Variants in ZNF30 observed in about 807,000 individuals in gnomAD.
ZNF30 encodes the protein zinc finger protein 30.
In ZNF30, 15 loss-of-function variants were observed where a neutral mutation model predicts 13.2. The observed-to-expected ratio is 1.13, with a 90% CI of 0.76 to 1.75. The LOEUF is 1.75. ZNF30 is among the 40% of genes most tolerant of loss of function. The pLI is 0.00. For missense variants in ZNF30, 726 were observed against 757.0 expected (o/e 0.96, Z 0.48); for synonymous variants, 223 against 256.6 (o/e 0.87, Z 1.25).
intron 4 of ZNF30, chr19:34,942,455 GAAAAGAAA>G (rs1372860667): frequency 1.2e-5 from 4 of 339,930 alleles, no homozygotes; most frequent in Non-Finnish European, 1.5e-5. Flanking sequence ...AAAAAAAAAA[GAAAAGAAA>G]AAAAGAAAAA....
At chr19:34,928,252 T>TATATATAGATAGATAG (rs1325117057) in intron 1 of ZNF30, among the ~76,000 whole-genome samples, 2 of 56,556 alleles carry the variant, frequency 3.5e-5, no homozygotes, top group Non-Finnish European at 6.0e-5. Flanking sequence ...TATATATATA[T>TATATATAGATAGATAG]ATAGATAGAT....
intron 4 of ZNF30, among the ~76,000 whole-genome samples, chr19:34,939,661 C>T (rs567065398): frequency 1.3e-5 from 2 of 152,178 alleles, no homozygotes; most frequent in Non-Finnish European, 2.9e-5. Context: ...TGTGTCCAGA[C>T]TTTTTTCAAG....
At chr19:34,935,700 GTTTT>G (rs142285130) in intron 4 of ZNF30, among the ~76,000 whole-genome samples, 25,674 of 83,842 alleles carry the variant, frequency 0.31, 3,022 homozygotes, top group Middle Eastern at 0.35. Flanking sequence ...GTTGTCTATA[GTTTT>G]TTTTTTTTTT....
intron 1 of ZNF30, among the ~76,000 whole-genome samples, chr19:34,928,219 AAAT>A (rs1312573612): frequency 4.8e-5 from 3 of 62,920 alleles, no homozygotes; most frequent in African/African-American, 3.1e-4. Flanking sequence ...AAAAAAAAAA[AAAT>A]ATATATATAT....
At chr19:34,928,766 C>G (rs1277140217) in intron 1 of ZNF30, among the ~76,000 whole-genome samples, 1 of 151,950 alleles carries the variant, frequency 6.6e-6, no homozygotes, top group East Asian at 1.9e-4. Context: ...GAGCCAAGAT[C>G]ACACCACTGC....
Position 34,943,872 on chromosome 19 carries a change from C to T in ZNF30, c.906C>T (p.Pro302=), listed in dbSNP as rs778512863. Residue 302 remains proline (P), a synonymous_variant, in exon 5 of 5, where the codon CCC becomes CCT. Transcript: ENST00000601142. ...GGAAGGCCTTTAGCACTAGCTCACC[C>T]CTTGCTAAGCATCAGAGAATTCATA... is the stretch of plus-strand genomic sequence containing the variant. ...ECGKAFSTSS[P]LAKHQRIHTG... The T allele has an allele frequency of 7.4e-6, 12 of 1,613,902 alleles. No homozygotes were observed. In the South Asian group the frequency reaches 1.2e-4, roughly 16 times the overall value.
chr19:34,942,660 C>T, intron 4 of ZNF30: 1 of 1,288,388 alleles, frequency 7.8e-7, no homozygotes, highest in South Asian at 1.2e-5. Context: ...GCCACCTGCA[C>T]ATGGAACCAA....
Position 34,943,643 on chromosome 19 carries a change from A to ATGTATTCTTATG in ZNF30, c.678_679insGTATTCTTATGT (p.His226_Thr227insValPheLeuCys). 6.2e-7 allele frequency: 1 copy of ATGTATTCTTATG among 1,613,790 alleles called. No individual in the cohort carries two copies. The highest frequency in any genetic ancestry group is 8.5e-7 in the Non-Finnish European group (1 of 1,179,798). ...CAACTTACAGTACATAAGAGTATTC[A>ATGTATTCTTATG]TACTGGGAAGAAACCATATGAGTGC... On this transcript the variant is annotated inframe_insertion, in exon 5 of 5. Coordinates refer to ENST00000601142, the MANE Select transcript of ZNF30 (RefSeq NM_194325.3).
At chr19:34,924,954 CCTAA>C (rs888486188), upstream of ZNF30, among the ~76,000 whole-genome samples, 5 of 152,176 alleles carry the variant, frequency 3.3e-5, no homozygotes, top group Non-Finnish European at 7.3e-5. Context: ...TAGGGAAAAT[CCTAA>C]CTATTGACAG....
upstream of ZNF30, among the ~76,000 whole-genome samples, chr19:34,925,374 G>C (rs751572164): frequency 3.9e-5 from 6 of 152,208 alleles, no homozygotes; most frequent in Non-Finnish European, 8.8e-5. Flanking sequence ...TCAACAGTTG[G>C]GGGAGCCAGA....
chr19:34,927,747 C>T lies in ZNF30; in HGVS notation c.-65+531C>T, dbSNP rs144885690. Among the ~76,000 whole-genome samples, 300 of 152,302 alleles carry T rather than the reference C, an allele frequency of 2.0e-3. 2 individuals are homozygous for T. Among genetic ancestry groups the T allele is most frequent in the African/African-American group, 6.9e-3 (286 of 41,552 alleles). On this transcript the variant is annotated intron_variant, in intron 1 of 4. Coordinates refer to ENST00000601142, the MANE Select transcript of ZNF30 (RefSeq NM_194325.3). ...TCTTCAATTTTGCATTATCCCACAG[C>T]AGTAGCTCTCTCTCTCTAGCTGCTA...
chr19:34,927,133 C>A lies in ZNF30; in HGVS notation c.-148C>A. 1 of 395,728 alleles carries A rather than the reference C, an allele frequency of 2.5e-6. No homozygotes were observed. The allele number at this position is 395,728 out of a possible 1,614,324, so 24.5% of individuals were successfully genotyped here. On this transcript the variant is annotated 5_prime_UTR_variant, in exon 1 of 5. Coordinates refer to ENST00000601142, the MANE Select transcript of ZNF30 (RefSeq NM_194325.3). Reference sequence around the variant, plus strand: ...AGCTCCGAGGTTGGAGCAGCCCCGCCGGGCAACTTGAATTTCTGCAAACGA... The same window carrying A: ...AGCTCCGAGGTTGGAGCAGCCCCGCAGGGCAACTTGAATTTCTGCAAACGA...
chr19:34,937,396 G>C (rs2012799534), intron 4 of ZNF30, among the ~76,000 whole-genome samples: 1 of 152,130 alleles, frequency 6.6e-6, no homozygotes, highest in Non-Finnish European at 1.5e-5. Flanking sequence ...ATTAAAACCA[G>C]AAAGTGGTGC....
rs369197163 is a variant in ZNF30, at chr19:34,944,003, G to A, written c.1037G>A (p.Cys346Tyr). ...CATACTGGTGAGAAACCTTTTGAAT[G>A]TAAGGAATGTGGAAAGGCCTTTAGA... The part of the protein sequence containing the change: ...SIHTGEKPFE[C>Y]KECGKAFRLS... Residue 346 changes from cysteine (C) to tyrosine (Y), a missense_variant, in exon 5 of 5, where the codon TGT becomes TAT. Cys to Tyr is a radical substitution (Grantham distance 194). Transcript: ENST00000601142. 262 of 1,614,020 alleles carry A rather than the reference G, an allele frequency of 1.6e-4. No homozygotes were observed. The highest frequency in any genetic ancestry group is 2.1e-4 in the Non-Finnish European group (253 of 1,180,034).
intron 2 of ZNF30, 120 bp downstream of exon 2, chr19:34,930,076 G>A: frequency 2.0e-6 from 2 of 993,924 alleles, no homozygotes; most frequent in South Asian, 1.6e-5. Flanking sequence ...GATTCCTTCT[G>A]TTTGGCGGAA....
At chr19:34,934,376 G>T (rs924243682) in intron 4 of ZNF30, among the ~76,000 whole-genome samples, 1 of 152,092 alleles carries the variant, frequency 6.6e-6, no homozygotes, top group Admixed American at 6.6e-5. Context: ...CCATTTTCCT[G>T]CCTCAGCCTC....
intron 4 of ZNF30, among the ~76,000 whole-genome samples, chr19:34,939,993 G>A (rs761164953): frequency 3.0e-4 from 45 of 152,322 alleles, no homozygotes; most frequent in Admixed American, 1.8e-3. Flanking sequence ...ATGAAATTTA[G>A]TATATTTTGA....
chr19:34,933,174 G>A (rs1173469510), intron 3 of ZNF30, among the ~76,000 whole-genome samples: 6 of 151,856 alleles, frequency 4.0e-5, no homozygotes, highest in South Asian at 4.2e-4. Flanking sequence ...AAAACCTTTC[G>A]GCTGGGTGTG....
intron 1 of ZNF30, 21 bp from the exon 2 acceptor site, chr19:34,929,863 T>C (rs1195237891): frequency 1.5e-6 from 2 of 1,310,938 alleles, no homozygotes; most frequent in African/African-American, 1.5e-5. Flanking sequence ...AGCCTCCTTT[T>C]CTCCTCTCTG....
Sources: gnomAD v4.1 joint callset for allele counts (sites outside exome capture counted in the v4.1 genomes callset) on GRCh38, gnomAD v4.1.1 for gene constraint, MANE v1.5 for transcripts, NCBI Gene and HGNC (gene_info 2026-07-23, HGNC 2026-07-21) for gene names.